FGF12: variants seen among roughly 807,000 people sequenced by gnomAD.
The protein encoded by FGF12 is fibroblast growth factor 12B.
Under a neutral mutation model 23.6 loss-of-function variants are expected in FGF12, and 14 were observed. The ratio of observed to expected loss-of-function variants is 0.59; its 90% CI spans 0.39 to 0.93. The LOEUF is 0.93. Among genes scored for constraint, FGF12 ranks in the 40% least tolerant of loss-of-function variants. The pLI, the probability that FGF12 is intolerant of heterozygous loss-of-function variation, is 0.00. For synonymous variants in FGF12, 62 were observed against 77.3 expected (o/e 0.80, Z 1.04); for missense variants, 175 against 217.8 (o/e 0.80, Z 1.24).
chr3:192,144,548 G>A (rs1238546162), intron 5 of FGF12, among the ~76,000 whole-genome samples: 1 of 152,152 alleles, frequency 6.6e-6, no homozygotes, highest in East Asian at 1.9e-4. Context: ...GAAATATAAT[G>A]TATCAAACTG....
In FGF12 at chr3:192,408,392, CAA is replaced by C. The variant is rs1187780375; in HGVS notation, c.14-47856_14-47855del. The C allele has an allele frequency of 2.2e-5, 31 of 1,417,894 alleles. No individual in the cohort carries two copies. Among genetic ancestry groups the C allele is most frequent in the East Asian group, 2.6e-5 (1 of 38,428 alleles). The allele number at this position is 1,417,894 out of a possible 1,614,324, so 87.8% of individuals were successfully genotyped here. ...AAAACCCGGCGCTCACAAGGTTAGT[CAA>C]AGTCTGGGCAGTGGCGACAAAATGT... is the stretch of plus-strand genomic sequence containing the variant. On this transcript the variant is annotated intron_variant, in intron 2 of 5. Transcript: ENST00000445105. This position sits in a 1 kb window ranked among gnomAD's most constrained non-coding sequence, Gnocchi z 7.3.
intron 2 of FGF12, among the ~76,000 whole-genome samples, chr3:192,432,506 CAG>C (rs1415988288): frequency 2.7e-5 from 4 of 150,826 alleles, no homozygotes; most frequent in African/African-American, 9.8e-5. Flanking sequence ...CTTAGCAGAT[CAG>C]AGAGAGAGTC....
intron 2 of FGF12, among the ~76,000 whole-genome samples, chr3:192,540,806 T>G (rs1725346076): frequency 6.6e-6 from 1 of 152,198 alleles, no homozygotes; most frequent in Non-Finnish European, 1.5e-5. Context: ...CCTTTATATA[T>G]CTGGGTGCTC....
rs558923445 is a variant in FGF12, at chr3:192,598,454, T to C, written c.13+128727A>G. ...CAAGTGTGATAAGCATGAGTAACTATGACCCCTCCTAAAGTGCAAGGTATT... is the reference window on the plus strand; with the variant it reads ...CAAGTGTGATAAGCATGAGTAACTACGACCCCTCCTAAAGTGCAAGGTATT... On this transcript the variant is annotated intron_variant, in intron 2 of 5. Transcript: ENST00000445105. Among the ~76,000 whole-genome samples, 4 of 152,296 alleles carry C rather than the reference T, an allele frequency of 2.6e-5. No homozygotes were observed. In the East Asian group the frequency reaches 7.7e-4, roughly 29 times the overall value.
At chr3:192,590,184 T>G (rs571717353) in intron 2 of FGF12, among the ~76,000 whole-genome samples, 2 of 151,908 alleles carry the variant, frequency 1.3e-5, no homozygotes, top group East Asian at 3.9e-4. Context: ...CATTAATGAG[T>G]GTAAAACTAG....
intron 2 of FGF12, among the ~76,000 whole-genome samples, chr3:192,643,669 C>T (rs1226140311): frequency 2.0e-5 from 3 of 152,112 alleles, no homozygotes; most frequent in Non-Finnish European, 4.4e-5. Context: ...TATTAGTGTC[C>T]ATTTCCAGTG....
intron 2 of FGF12, among the ~76,000 whole-genome samples, chr3:192,381,739 A>C (rs1719821349): frequency 6.6e-6 from 1 of 152,174 alleles, no homozygotes; most frequent in African/African-American, 2.4e-5. Context: ...CCACACAAGG[A>C]CAGAAGTAAA....
intron 4 of FGF12, among the ~76,000 whole-genome samples, chr3:192,241,919 T>C (rs73193508): frequency 6.6e-6 from 1 of 152,228 alleles, no homozygotes; most frequent in Non-Finnish European, 1.5e-5. Context: ...GAGTATATCT[T>C]CAATCAAAAA....
chr3:192,459,087 G>T (rs944948498), intron 2 of FGF12, among the ~76,000 whole-genome samples: 1 of 152,162 alleles, frequency 6.6e-6, no homozygotes, highest in Non-Finnish European at 1.5e-5. Flanking sequence ...GTAACTGTGA[G>T]TCCAATTAAA....
Position 192,336,236 on chromosome 3 carries a change from T to C in FGF12, c.125-772A>G, listed in dbSNP as rs1469621914. Among the ~76,000 whole-genome samples the C allele has an allele frequency of 6.6e-6, 1 of 151,810 alleles. No individual in the cohort carries two copies. Among genetic ancestry groups the C allele is most frequent in the African/African-American group, 2.4e-5 (1 of 41,322 alleles). ...TACTCAAAACCATTAAGAATTAATT[T>C]GACAAAAGTAATTCAACATCCTAAG... On this transcript the variant is annotated intron_variant, in intron 3 of 5. Coordinates refer to ENST00000445105, the MANE Select transcript of FGF12 (RefSeq NM_004113.6). This position sits in a 1 kb window ranked among gnomAD's most constrained non-coding sequence, Gnocchi z 4.3.
rs149020724 is a variant in FGF12, at chr3:192,497,418, T to A, written c.14-136880A>T. On this transcript the variant is annotated intron_variant, in intron 2 of 5. Transcript: ENST00000445105. Reference sequence around the variant, plus strand: ...ATAGCCTACTAAATGGTCTCCCTGTTAGAGTCTGTTTTCATAGTGCAGACA... The same window carrying A: ...ATAGCCTACTAAATGGTCTCCCTGTAAGAGTCTGTTTTCATAGTGCAGACA... Among the ~76,000 whole-genome samples the A allele has an allele frequency of 6.6e-3, 1,008 of 152,338 alleles. 4 individuals carry two copies. The highest frequency in any genetic ancestry group is 0.023 in the African/African-American group (948 of 41,580).
At chr3:192,701,623 A>T (rs1325418860) in intron 2 of FGF12, among the ~76,000 whole-genome samples, 1 of 152,206 alleles carries the variant, frequency 6.6e-6, no homozygotes. Context: ...TGACTGTGGT[A>T]TAGCGGCAAG....
At chr3:192,674,519 C>A (rs1717251956) in intron 2 of FGF12, among the ~76,000 whole-genome samples, 1 of 152,184 alleles carries the variant, frequency 6.6e-6, no homozygotes, top group South Asian at 2.1e-4. Context: ...CTTCTGAGTA[C>A]TCATTTTCTT....
At chr3:192,584,398 C>G (rs182152453) in intron 2 of FGF12, among the ~76,000 whole-genome samples, 1 of 151,750 alleles carries the variant, frequency 6.6e-6, no homozygotes, top group South Asian at 2.1e-4. Flanking sequence ...AGTATATTAG[C>G]GATCCCTGTG....
rs143698362 is a variant in FGF12, at chr3:192,624,288, T to A, written c.13+102893A>T. 2.0e-4 allele frequency among the ~76,000 whole-genome samples: 30 copies of A among 152,308 alleles called. No individual in the cohort carries two copies. The East Asian group carries it at 5.4e-3, about 27-fold the overall frequency. On this transcript the variant is annotated intron_variant, in intron 2 of 5. Coordinates refer to ENST00000445105, the MANE Select transcript of FGF12 (RefSeq NM_004113.6). ...ATGTGCAGAAAGGCAGTTAGGCCTG[T>A]TTCTATTTATATCAACATAGGAAAA...
intron 2 of FGF12, among the ~76,000 whole-genome samples, chr3:192,623,056 C>A (rs1420382546): frequency 6.6e-6 from 1 of 152,162 alleles, no homozygotes; most frequent in African/African-American, 2.4e-5. Context: ...ACTCATTATT[C>A]AATTAAATCA....
intron 2 of FGF12, among the ~76,000 whole-genome samples, chr3:192,536,503 T>A (rs1378390477): frequency 1.3e-5 from 2 of 152,026 alleles, no homozygotes; most frequent in Non-Finnish European, 2.9e-5. Flanking sequence ...TGTCAACAAG[T>A]CTCCGAAAGT....
At chr3:192,683,977 CCA>C (rs1717638952) in intron 2 of FGF12, among the ~76,000 whole-genome samples, 1 of 152,136 alleles carries the variant, frequency 6.6e-6, no homozygotes, top group Non-Finnish European at 1.5e-5. Flanking sequence ...AACTTAAGTT[CCA>C]GAGTCGTTCT....
At chr3:192,519,346 A>G (rs1224683689) in intron 2 of FGF12, among the ~76,000 whole-genome samples, 1 of 152,178 alleles carries the variant, frequency 6.6e-6, no homozygotes, top group Non-Finnish European at 1.5e-5. Context: ...ATGTCTTTCA[A>G]TTTGGATTTG....
Sources: gnomAD v4.1 joint callset for allele counts (sites outside exome capture counted in the v4.1 genomes callset) on GRCh38, gnomAD v4.1.1 for gene constraint, Gnocchi (gnomAD v3.1) non-coding constraint, MANE v1.5 for transcripts, NCBI Gene and HGNC (gene_info 2026-07-23, HGNC 2026-07-21) for gene names.